Variants in ANKRD24 observed in about 807,000 individuals in gnomAD.
ANKRD24 encodes the protein ankyrin repeat domain 24.
In ANKRD24, 109 loss-of-function variants were observed where a neutral mutation model predicts 127.8. That is an observed-to-expected ratio of 0.85 (90% CI 0.73 to 1.00). ANKRD24 has a LOEUF of 1.00. Ranked by LOEUF, ANKRD24 falls within the 50% of genes least tolerant of loss-of-function variation. The pLI, the probability that ANKRD24 is intolerant of heterozygous loss-of-function variation, is 0.00. For missense variants in ANKRD24, 1,648 were observed against 1,570.2 expected, an observed-to-expected ratio of 1.05 and a Z score of -0.84; for synonymous variants, 743 against 671.1, an observed-to-expected ratio of 1.11 and a Z score of -1.66.
At chr19:4,197,713 A>T (rs1261127516) in intron 2 of ANKRD24, among the ~76,000 whole-genome samples, 1 of 152,192 alleles carries the variant, frequency 6.6e-6, no homozygotes, top group Non-Finnish European at 1.5e-5. Flanking sequence ...GAATGAGTGA[A>T]TGAATGAAAG....
chr19:4,217,635 G>C lies in ANKRD24; in HGVS notation c.2475G>C (p.Ala825=). 2.3e-6 allele frequency: 3 copies of C among 1,286,990 alleles called. No individual in the cohort carries two copies. Among genetic ancestry groups the C allele is most frequent in the Non-Finnish European group, 2.9e-6 (3 of 1,020,742 alleles). The allele number at this position is 1,286,990 out of a possible 1,614,324, so 79.7% of individuals were successfully genotyped here. Reference sequence around the variant, plus strand: ...AGGCTCGGGCCAGCCGGCTGCTGGCGGAGGAGGAGGCGCGGGGCCTGCGGG... The same window carrying C: ...AGGCTCGGGCCAGCCGGCTGCTGGCCGAGGAGGAGGCGCGGGGCCTGCGGG... ...LDEARASRLL[A]EEEARGLRAE... The change falls in exon 18 of 22, where the codon GCG becomes GCC. Residue 825 remains alanine, a synonymous_variant. Coordinates refer to ENST00000318934, the MANE Select transcript of ANKRD24 (RefSeq NM_001393985.1).
chr19:4,208,693 C>T, intron 10 of ANKRD24, 71 bp from the exon 11 acceptor site: 16 of 1,496,776 alleles, frequency 1.1e-5, no homozygotes, highest in Non-Finnish European at 1.5e-5. Context: ...CCCTACAAGT[C>T]CCTGGGGCCC....
At chr19:4,202,113 C>T in intron 6 of ANKRD24, 23 bp downstream of exon 6, 1 of 1,610,254 alleles carries the variant, frequency 6.2e-7, no homozygotes, top group Non-Finnish European at 8.5e-7. Context: ...CTTATCTCAG[C>T]TACTCCCTTG....
intron 20 of ANKRD24, among the ~76,000 whole-genome samples, chr19:4,223,402 T>TATATA (rs1491398712): frequency 1.7e-4 from 7 of 40,486 alleles, no homozygotes; most frequent in Admixed American, 1.1e-3. Flanking sequence ...TATATATATA[T>TATATA]TTTTTTTTTT....
chr19:4,188,373 G>A (rs1163642724), intron 2 of ANKRD24, among the ~76,000 whole-genome samples: 1 of 133,844 alleles, frequency 7.5e-6, no homozygotes, highest in African/African-American at 2.8e-5. Flanking sequence ...CACCACGCTT[G>A]GTCCATTTTT....
At chr19:4,206,587 A>G (rs1476200015) in intron 7 of ANKRD24, among the ~76,000 whole-genome samples, 1 of 152,102 alleles carries the variant, frequency 6.6e-6, no homozygotes, top group Non-Finnish European at 1.5e-5. Flanking sequence ...TGAGCCCAGG[A>G]GTTCGGGACC....
chr19:4,200,310 C>A, intron 5 of ANKRD24, 139 bp downstream of exon 5: 1 of 937,276 alleles, frequency 1.1e-6, no homozygotes, highest in Non-Finnish European at 1.6e-6. Context: ...TCCTCCCCTG[C>A]CCCCAGGGAG....
intron 2 of ANKRD24, among the ~76,000 whole-genome samples, chr19:4,190,108 G>T (rs1968298549): frequency 6.6e-6 from 1 of 152,096 alleles, no homozygotes; most frequent in Non-Finnish European, 1.5e-5. Flanking sequence ...GTTGACCCTT[G>T]AACAATTACA....
intron 7 of ANKRD24, among the ~76,000 whole-genome samples, chr19:4,205,033 C>CA (rs1047003411): frequency 6.6e-6 from 1 of 152,276 alleles, no homozygotes. Context: ...GTCAGGAGAT[C>CA]AAGACCATCC....
chr19:4,209,953 A>T, intron 11 of ANKRD24, 105 bp from the exon 12 acceptor site: 1 of 666,004 alleles, frequency 1.5e-6, no homozygotes, highest in Non-Finnish European at 2.7e-6. Context: ...CCATGTTCTC[A>T]GGAAGTCAGG....
chr19:4,214,992 G>A (rs1969975931), intron 15 of ANKRD24, among the ~76,000 whole-genome samples: 1 of 152,158 alleles, frequency 6.6e-6, no homozygotes, highest in Admixed American at 6.6e-5. Flanking sequence ...AATGGATACT[G>A]TCGCATCCAC....
intron 13 of ANKRD24, among the ~76,000 whole-genome samples, chr19:4,211,034 C>T (rs1969708372): frequency 6.6e-6 from 1 of 151,774 alleles, no homozygotes; most frequent in Non-Finnish European, 1.5e-5. Context: ...GGTTTCAGCA[C>T]ATTGGCCAGG....
intron 17 of ANKRD24, 72 bp from the exon 18 acceptor site, chr19:4,216,478 G>A (rs756225033): frequency 3.4e-5 from 53 of 1,556,928 alleles, no homozygotes; most frequent in Non-Finnish European, 4.3e-5. Flanking sequence ...CAGGGAAGGT[G>A]GCAAGGCTGC....
At chr19:4,222,009 A>G (rs1191649180) in intron 19 of ANKRD24, among the ~76,000 whole-genome samples, 3 of 152,202 alleles carry the variant, frequency 2.0e-5, no homozygotes, top group African/African-American at 7.2e-5. Flanking sequence ...TATAGTAATA[A>G]TAAGGCCCGG....
Position 4,216,612 on chromosome 19 carries a change from C to T in ANKRD24, c.1452C>T (p.Ile484=), listed in dbSNP as rs1460778474. 2 of 1,611,046 alleles carry T rather than the reference C, an allele frequency of 1.2e-6. No individual in the cohort carries two copies. The highest frequency in any genetic ancestry group is 1.1e-5 in the South Asian group (1 of 90,328). ...QMEVEALAEV[I]PLALYDSLRA... ...AAGTGGAAGCTTTGGCAGAGGTCAT[C>T]CCTCTTGCCCTCTATGACTCTCTCC... Residue 484 remains isoleucine, a synonymous_variant, in exon 18 of 22, where the codon ATC becomes ATT. Transcript: ENST00000318934.
chr19:4,204,976 G>A (rs924090393), intron 7 of ANKRD24, among the ~76,000 whole-genome samples: 3 of 152,042 alleles, frequency 2.0e-5, no homozygotes, highest in East Asian at 1.9e-4. Context: ...AGTGGCTCAC[G>A]CCTATAATCC....
intron 2 of ANKRD24, among the ~76,000 whole-genome samples, chr19:4,196,948 A>G (rs183099559): frequency 1.7e-3 from 262 of 152,238 alleles, no homozygotes; most frequent in African/African-American, 6.0e-3. Context: ...TTGACCGGAA[A>G]TGGCTAGAGA....
rs529566287 is a variant in ANKRD24 at position 4,216,070 on chromosome 19, C to T, written c.1270+20C>T. ...TTCCAGGTGAGCCCCCACCTCCCCA[C>T]GCACTCCCAGCCGCCTTGTCCCCTG... On this transcript the variant is annotated intron_variant, in intron 16 of 21. Coordinates refer to ENST00000318934, the MANE Select transcript of ANKRD24 (RefSeq NM_001393985.1). 4.8e-5 allele frequency: 76 copies of T among 1,577,954 alleles called. No homozygotes were observed. The highest frequency in any genetic ancestry group is 2.8e-4 in the East Asian group (12 of 42,644).
In ANKRD24 at chr19:4,198,314, G is replaced by C; in HGVS notation, c.37-1369G>C. On this transcript the variant is annotated intron_variant, in intron 2 of 21. Coordinates refer to ENST00000318934, the MANE Select transcript of ANKRD24 (RefSeq NM_001393985.1). This position sits in a 1 kb window ranked among gnomAD's most constrained non-coding sequence, Gnocchi z 6.1. Reference sequence around the variant, plus strand: ...ATCCCGTGGGGGAGGGGGCTGGCGAGGAGGGCAAGGGGGAGGGGGCGGCAC... The same window carrying C: ...ATCCCGTGGGGGAGGGGGCTGGCGACGAGGGCAAGGGGGAGGGGGCGGCAC... The C allele has an allele frequency of 2.4e-6, 1 of 413,458 alleles. No homozygotes were observed. The highest frequency in any genetic ancestry group is 4.3e-6 in the Non-Finnish European group (1 of 234,372). 25.6% of individuals were successfully genotyped at this position (413,458 alleles called of 1,614,324 possible).
Sources: allele counts gnomAD v4.1 joint callset (sites outside exome capture counted in the v4.1 genomes callset), GRCh38; gene constraint gnomAD v4.1.1; non-coding constraint Gnocchi (gnomAD v3.1); transcripts MANE v1.5; gene names NCBI Gene and HGNC (gene_info 2026-07-23, HGNC 2026-07-21).